UMAD1: variants seen among roughly 807,000 people sequenced by gnomAD.
The protein encoded by UMAD1 is UBAP1-MVB12-associated (UMA)-domain containing protein 1.
A neutral mutation model predicts 6.1 loss-of-function variants in UMAD1; 8 were observed. The ratio of observed to expected loss-of-function variants is 1.30; its 90% CI spans 0.76 to 2.35. The LOEUF (loss-of-function observed/expected upper bound fraction) is 2.35. Ranked by LOEUF, UMAD1 falls within the 30% of genes most tolerant of loss-of-function variation. The pLI is 0.00. For synonymous variants in UMAD1, 56 were observed against 31.4 expected, an observed-to-expected ratio of 1.78 and a Z score of -2.61; for missense variants, 130 against 78.4, an observed-to-expected ratio of 1.66 and a Z score of -2.49.
At chr7:7,730,008 T>G (rs1054196733) in intron 2 of UMAD1, among the ~76,000 whole-genome samples, 2 of 152,180 alleles carry the variant, frequency 1.3e-5, no homozygotes, top group Non-Finnish European at 2.9e-5. Context: ...AGATCAGGTC[T>G]CTATTATTTA....
chr7:7,846,871 A>C (rs1783792784), intron 3 of UMAD1, among the ~76,000 whole-genome samples: 1 of 121,594 alleles, frequency 8.2e-6, no homozygotes. Context: ...TCACATGGAC[A>C]CAGGAAGGGG....
intron 3 of UMAD1, among the ~76,000 whole-genome samples, chr7:7,864,798 A>G (rs955366495): frequency 2.0e-5 from 3 of 152,166 alleles, no homozygotes; most frequent in Admixed American, 1.3e-4. Flanking sequence ...TGCCAGAGGA[A>G]CCAACCATGT....
intron 1 of UMAD1, among the ~76,000 whole-genome samples, chr7:7,663,756 G>A (rs888620839): frequency 6.6e-6 from 1 of 152,162 alleles, no homozygotes; most frequent in Admixed American, 6.5e-5. Flanking sequence ...AAATTGGTTA[G>A]TATCCCCGGG....
intron 1 of UMAD1, among the ~76,000 whole-genome samples, chr7:7,668,601 G>A (rs1366106389): frequency 7.9e-5 from 12 of 152,128 alleles, no homozygotes; most frequent in Admixed American, 7.9e-4. Context: ...GAAACAACAT[G>A]TAATGAAACC....
intron 2 of UMAD1, among the ~76,000 whole-genome samples, chr7:7,711,949 G>A (rs1054964559): frequency 1.3e-5 from 2 of 151,934 alleles, no homozygotes; most frequent in Non-Finnish European, 2.9e-5. Flanking sequence ...ATAGCGATCC[G>A]ATTTTAATTT....
intron 3 of UMAD1, among the ~76,000 whole-genome samples, chr7:7,805,214 A>G (rs915585871): frequency 3.3e-5 from 5 of 152,082 alleles, no homozygotes; most frequent in Admixed American, 3.3e-4. Context: ...ACAAATTTCT[A>G]CACAGTTCAG....
intron 1 of UMAD1, among the ~76,000 whole-genome samples, chr7:7,654,150 A>G (rs1785288938): frequency 6.6e-6 from 1 of 152,212 alleles, no homozygotes; most frequent in Admixed American, 6.5e-5. Flanking sequence ...ATTAAAAAGA[A>G]AACAAACACA....
chr7:7,707,047 A>G (rs1320235561), intron 2 of UMAD1, among the ~76,000 whole-genome samples: 1 of 152,196 alleles, frequency 6.6e-6, no homozygotes, highest in Non-Finnish European at 1.5e-5. Flanking sequence ...GTGTCAGGAC[A>G]CTAATTAATT....
intron 3 of UMAD1, among the ~76,000 whole-genome samples, chr7:7,822,884 A>C (rs1383057708): frequency 6.6e-6 from 1 of 151,800 alleles, no homozygotes; most frequent in Non-Finnish European, 1.5e-5. Context: ...TTTGTTAACA[A>C]GTTTTTTTTA....
chr7:7,839,390 T>A (rs180882655), intron 3 of UMAD1, among the ~76,000 whole-genome samples: 35 of 152,166 alleles, frequency 2.3e-4, no homozygotes, highest in Non-Finnish European at 1.5e-5. Context: ...TAAAAAAAAA[T>A]TATTTGTACA....
intron 2 of UMAD1, among the ~76,000 whole-genome samples, chr7:7,721,185 C>G (rs1286896420): frequency 6.6e-6 from 1 of 152,206 alleles, no homozygotes; most frequent in Non-Finnish European, 1.5e-5. Flanking sequence ...TTGACGATTT[C>G]TAGTCTCCAG....
chr7:7,662,085 T>G (rs2115091760), intron 1 of UMAD1, among the ~76,000 whole-genome samples: 1 of 152,300 alleles, frequency 6.6e-6, no homozygotes, highest in African/African-American at 2.4e-5. Context: ...AGTTGGATCT[T>G]TCCCGGCATC....
chr7:7,646,864 T>A (rs1785107408), intron 1 of UMAD1, among the ~76,000 whole-genome samples: 1 of 152,084 alleles, frequency 6.6e-6, no homozygotes, highest in African/African-American at 2.4e-5. Context: ...GGTTTGGGGT[T>A]TATATGGGCA....
chr7:7,658,866 T>C (rs530584771), intron 1 of UMAD1, among the ~76,000 whole-genome samples: 2 of 152,188 alleles, frequency 1.3e-5, no homozygotes, highest in Non-Finnish European at 2.9e-5. Context: ...TTTGGAATAG[T>C]TTCAGAAGGA....
At chr7:7,768,042 C>T (rs1782024267) in intron 2 of UMAD1, among the ~76,000 whole-genome samples, 1 of 152,100 alleles carries the variant, frequency 6.6e-6, no homozygotes, top group Non-Finnish European at 1.5e-5. Context: ...ACTTTCCTAT[C>T]TTAGAAAGGC....
intron 3 of UMAD1, among the ~76,000 whole-genome samples, chr7:7,852,084 G>T (rs958714843): frequency 6.6e-6 from 1 of 152,000 alleles, no homozygotes; most frequent in African/African-American, 2.4e-5. Context: ...TCATTATTTT[G>T]CTGTGACTAT....
chr7:7,651,310 G>T (rs1308959098), intron 1 of UMAD1, among the ~76,000 whole-genome samples: 2 of 152,194 alleles, frequency 1.3e-5, no homozygotes, highest in Admixed American at 1.3e-4. Flanking sequence ...CTTGTGACAA[G>T]GGTGGGCTTG....
At chr7:7,762,627 T>C (rs919472685) in intron 2 of UMAD1, among the ~76,000 whole-genome samples, 3 of 152,148 alleles carry the variant, frequency 2.0e-5, no homozygotes, top group African/African-American at 4.8e-5. Context: ...GTGGGAGAAG[T>C]AGATGCATAT....
At chr7:7,876,127 TG>T (rs1784414565) in intron 3 of UMAD1, among the ~76,000 whole-genome samples, 1 of 152,224 alleles carries the variant, frequency 6.6e-6, no homozygotes, top group Admixed American at 6.5e-5. Flanking sequence ...AGATGGCATC[TG>T]GGCTAGCGCT....
Sources: gnomAD v4.1 joint callset for allele counts (sites outside exome capture counted in the v4.1 genomes callset) on GRCh38, gnomAD v4.1.1 for gene constraint, MANE v1.5 for transcripts, NCBI Gene and HGNC (gene_info 2026-07-23, HGNC 2026-07-21) for gene names.